ADGRL2: variants seen among roughly 807,000 people sequenced by gnomAD.
ADGRL2 encodes the protein calcium-independent alpha-latrotoxin receptor 2.
A neutral mutation model predicts 157.4 loss-of-function variants in ADGRL2; 44 were observed. The ratio of observed to expected loss-of-function variants is 0.28; its 90% CI spans 0.22 to 0.36. ADGRL2 has a LOEUF of 0.36. Ranked by LOEUF, ADGRL2 falls within the 10% of genes least tolerant of loss-of-function variation. ADGRL2 has a pLI of 1.00. For synonymous variants in ADGRL2, 585 were observed against 624.7 expected (o/e 0.94, Z 0.95); for missense variants, 1,510 against 1,768.9 (o/e 0.85, Z 2.63).
intron 1 of ADGRL2, among the ~76,000 whole-genome samples, chr1:81,322,113 C>CACATATATATAT (rs1553153271): frequency 2.7e-5 from 3 of 112,128 alleles, no homozygotes; most frequent in African/African-American, 1.1e-4. Flanking sequence ...TATATATACA[C>CACATATATATAT]ATATATATAT....
In ADGRL2 at chr1:81,462,519, A is replaced by ATAAGAAATGG. The variant is rs1183438608; in HGVS notation, c.-248+17431_-248+17440dup. 2.0e-5 allele frequency among the ~76,000 whole-genome samples: 3 copies of ATAAGAAATGG among 152,278 alleles called. No individual in the cohort carries two copies. The East Asian group carries it at 5.8e-4, about 29-fold the overall frequency. On this transcript the variant is annotated intron_variant, in intron 2 of 24. Coordinates refer to the ADGRL2 transcript ENST00000370721. ...GGAGGGAGGGAGACAAGCAGACTTG[A>ATAAGAAATGG]TAAGAAATGGCAGATTCTGGTGATT...
chr1:81,669,877 A>G (rs1391000666), intron 3 of ADGRL2, among the ~76,000 whole-genome samples: 1 of 147,542 alleles, frequency 6.8e-6, no homozygotes, highest in Admixed American at 6.9e-5. Flanking sequence ...CGGGAGGCGG[A>G]GCTTGCAGTG....
At chr1:81,707,145 A>C (rs2083763360) in intron 1 of ADGRL2, among the ~76,000 whole-genome samples, 1 of 152,148 alleles carries the variant, frequency 6.6e-6, no homozygotes, top group East Asian at 1.9e-4. Context: ...CCCATCCTCA[A>C]GTGAAGGTGG....
At chr1:81,323,154 G>A (rs867521319) in intron 1 of ADGRL2, among the ~76,000 whole-genome samples, 14 of 151,838 alleles carry the variant, frequency 9.2e-5, no homozygotes, top group African/African-American at 2.7e-4. Context: ...CACCGTGCCC[G>A]GCCTATAAAC....
rs769598965 is a variant in ADGRL2, at chr1:81,969,386, C to T, written c.2732C>T (p.Ala911Val). 8 of 1,605,278 alleles carry T rather than the reference C, an allele frequency of 5.0e-6. No individual in the cohort carries two copies. The highest frequency in any genetic ancestry group is 1.7e-5 in the Admixed American group (1 of 59,950). The stretch of plus-strand genomic sequence containing the variant: ...ATAGGCATTGATAAGACAAAATATG[C>T]GGTAAGCACCAGTTGAGTTCATTGA... Reference protein sequence around the residue: ...FLIGIDKTKYAIACPIFAGLL... With the variant: ...FLIGIDKTKYVIACPIFAGLL... Residue 911 changes from alanine (A) to valine (V), a missense_variant and splice_region_variant, in exon 15 of 24, where the codon GCG (alanine) becomes GTG (valine). Ala to Val is a moderately conservative substitution (Grantham distance 64). Around this residue, in one of 4 missense-constraint regions of ADGRL2, gnomAD observed 497 missense variants for 627.2 expected, o/e 0.79. Transcript: ENST00000686636.
Position 81,993,661 on chromosome 1 carries a change from A to T in ADGRL2, c.*2516A>T, listed in dbSNP as rs1314236557. 6.6e-6 allele frequency among the ~76,000 whole-genome samples: 1 copy of T among 152,154 alleles called. No individual in the cohort carries two copies. The highest frequency in any genetic ancestry group is 2.4e-5 in the African/African-American group (1 of 41,438). The stretch of plus-strand genomic sequence containing the variant: ...AATATTGCCTTAAATTCCATCTAGG[A>T]TTCCCTTAGTACAAGGTAGTTTCTT... On this transcript the variant is annotated 3_prime_UTR_variant, in exon 24 of 24. Coordinates refer to ENST00000686636, the MANE Select transcript of ADGRL2 (RefSeq NM_001366006.2).
At chr1:81,392,848 TCTC>T (rs2076583756) in intron 1 of ADGRL2, among the ~76,000 whole-genome samples, 2 of 152,204 alleles carry the variant, frequency 1.3e-5, no homozygotes, top group South Asian at 4.1e-4. Flanking sequence ...AGTTACAAAA[TCTC>T]CTGCAAAATC....
chr1:81,315,977 G>A (rs1043793786), intron 1 of ADGRL2, among the ~76,000 whole-genome samples: 2 of 152,042 alleles, frequency 1.3e-5, no homozygotes, highest in African/African-American at 4.8e-5. Flanking sequence ...AATACTTACT[G>A]TAACAGAACT....
intron 2 of ADGRL2, among the ~76,000 whole-genome samples, chr1:81,771,462 T>G (rs1362392661): frequency 6.6e-6 from 1 of 152,128 alleles, no homozygotes; most frequent in East Asian, 1.9e-4. Context: ...TATATCCTTA[T>G]CATTAACCTT....
intron 1 of ADGRL2, among the ~76,000 whole-genome samples, chr1:81,329,341 A>G (rs1661119525): frequency 6.6e-6 from 1 of 151,918 alleles, no homozygotes; most frequent in African/African-American, 2.4e-5. Context: ...ATCCACCCCT[A>G]TTTTGAAAGG....
chr1:81,433,470 C>T (rs946743638), intron 1 of ADGRL2, among the ~76,000 whole-genome samples: 4 of 152,104 alleles, frequency 2.6e-5, no homozygotes, highest in Non-Finnish European at 4.4e-5. Context: ...CAATGAAGAA[C>T]ATAAAATGTG....
chr1:81,455,695 C>T (rs542572993), intron 2 of ADGRL2, among the ~76,000 whole-genome samples: 2 of 152,276 alleles, frequency 1.3e-5, no homozygotes, highest in East Asian at 3.9e-4. Flanking sequence ...TGTATATGTT[C>T]TGTTTCTTAG....
At chr1:81,646,144 A>G (rs1367180367) in intron 3 of ADGRL2, among the ~76,000 whole-genome samples, 1 of 152,080 alleles carries the variant, frequency 6.6e-6, no homozygotes, top group East Asian at 1.9e-4. Flanking sequence ...GTTTGTTTTC[A>G]GTGCTCTTCC....
chr1:81,322,970 G>A (rs557098396), intron 1 of ADGRL2, among the ~76,000 whole-genome samples: 1 of 151,864 alleles, frequency 6.6e-6, no homozygotes, highest in South Asian at 2.1e-4. Context: ...CAATTTTCCT[G>A]CCTCAGCCCC....
intron 1 of ADGRL2, among the ~76,000 whole-genome samples, chr1:81,344,682 A>AAAAAAAAAAAAAAAAAAT (rs1557613386): frequency 6.8e-6 from 1 of 147,120 alleles, no homozygotes. Flanking sequence ...AAAAAAAAAA[A>AAAAAAAAAAAAAAAAAAT]AAAAAAAAGC....
chr1:81,650,590 A>AG (rs796668242), intron 3 of ADGRL2, among the ~76,000 whole-genome samples: 2,105 of 147,956 alleles, frequency 0.014, 35 homozygotes, highest in Non-Finnish European at 0.021. Flanking sequence ...AAAAAAAAAA[A>AG]AAAGAAAAAG....
Position 81,990,722 on chromosome 1 carries a change from T to C in ADGRL2, c.3987T>C (p.His1329=). The change falls in exon 24 of 24, where the codon CAT becomes CAC. Residue 1329 remains histidine (H), a synonymous_variant. Coordinates refer to ENST00000686636, the MANE Select transcript of ADGRL2 (RefSeq NM_001366006.2). ...MHSDNPGLEL[H]HKELEAPLIP... ...GCGACAACCCAGGGCTGGAGCTCCA[T>C]CACAAAGAACTCGAGGCACCACTTA... 1.9e-6 allele frequency: 3 copies of C among 1,614,058 alleles called. No individual in the cohort carries two copies. The highest frequency in any genetic ancestry group is 2.5e-6 in the Non-Finnish European group (3 of 1,179,990).
intron 23 of ADGRL2, 85 bp from the exon 24 acceptor site, chr1:81,990,306 C>G: frequency 6.5e-7 from 1 of 1,527,352 alleles, no homozygotes. Context: ...TCCTGAACGA[C>G]ATTAAAAAGT....
intron 3 of ADGRL2, among the ~76,000 whole-genome samples, chr1:81,935,892 A>G (rs575708968): frequency 6.6e-6 from 1 of 152,062 alleles, no homozygotes; most frequent in African/African-American, 2.4e-5. Flanking sequence ...AATTACTGAC[A>G]TTGCAAAAAC....
Sources: gnomAD v4.1 joint callset for allele counts (sites outside exome capture counted in the v4.1 genomes callset) on GRCh38, gnomAD v4.1.1 for gene constraint, gnomAD v4.1.1 regional missense constraint, MANE v1.5 for transcripts, NCBI Gene and HGNC (gene_info 2026-07-23, HGNC 2026-07-21) for gene names.